Variants in CDYL observed in about 807,000 individuals in gnomAD.
CDYL encodes chromodomain Y-like protein.
In CDYL, 8 loss-of-function variants were observed where a neutral mutation model predicts 47.3. The observed-to-expected ratio is 0.17, with a 90% CI of 0.10 to 0.31. The LOEUF (loss-of-function observed/expected upper bound fraction) is 0.31. CDYL is among the 10% of genes least tolerant of loss of function. The pLI, the probability that CDYL is intolerant of heterozygous loss-of-function variation, is 1.00. For missense variants in CDYL, 471 were observed against 701.4 expected (o/e 0.67, Z 3.71); for synonymous variants, 266 against 265.0 (o/e 1.00, Z -0.04).
At chr6:4,835,027 C>T (rs1413617261) in intron 1 of CDYL, among the ~76,000 whole-genome samples, 1 of 152,136 alleles carries the variant, frequency 6.6e-6, no homozygotes, top group African/African-American at 2.4e-5. Flanking sequence ...GAATTTCCTC[C>T]TGTAGCTCGT....
intron 2 of CDYL, among the ~76,000 whole-genome samples, chr6:4,910,646 C>G (rs953232921): frequency 4.6e-5 from 7 of 152,078 alleles, no homozygotes; most frequent in Non-Finnish European, 8.8e-5. Flanking sequence ...GCTCAAGGAG[C>G]GAGCATGTCT....
intron 1 of CDYL, among the ~76,000 whole-genome samples, chr6:4,819,162 C>CTCTCTCTGTGTGTG (rs1016051589): frequency 3.6e-5 from 4 of 111,942 alleles, no homozygotes; most frequent in African/African-American, 1.9e-4. Context: ...CTCTCTCTCT[C>CTCTCTCTGTGTGTG]TGTGTGTGTG....
intron 1 of CDYL, among the ~76,000 whole-genome samples, chr6:4,813,600 G>A (rs1447112203): frequency 6.6e-6 from 1 of 152,202 alleles, no homozygotes; most frequent in East Asian, 1.9e-4. Context: ...TCTGCTGTGA[G>A]ATTGACGGAT....
At chr6:4,947,953 T>G (rs1758581043) in intron 5 of CDYL, among the ~76,000 whole-genome samples, 1 of 152,046 alleles carries the variant, frequency 6.6e-6, no homozygotes, top group African/African-American at 2.4e-5. Flanking sequence ...TTTGCTGGGG[T>G]GGGGACGTGG....
chr6:4,851,270 A>G (rs1457148287), intron 1 of CDYL, among the ~76,000 whole-genome samples: 4 of 152,236 alleles, frequency 2.6e-5, no homozygotes, highest in African/African-American at 9.6e-5. Flanking sequence ...TGAGAATCAA[A>G]TGAGTTAATT....
chr6:4,767,832 G>A (rs1758279040), intron 3 of CDYL, among the ~76,000 whole-genome samples: 1 of 152,140 alleles, frequency 6.6e-6, no homozygotes, highest in Non-Finnish European at 1.5e-5. Flanking sequence ...CAGCGAAGCA[G>A]GTCCACCAAA....
chr6:4,932,263 A>G (rs1758053501), intron 2 of CDYL, among the ~76,000 whole-genome samples: 1 of 152,184 alleles, frequency 6.6e-6, no homozygotes, highest in Non-Finnish European at 1.5e-5. Context: ...GAACCCTAAG[A>G]TCAGGGTGCC....
At chr6:4,807,591 C>CTTTTTTTTTTTTTTTTTTTTTTTTTTTT (rs70974139) in intron 1 of CDYL, among the ~76,000 whole-genome samples, 1 of 42,898 alleles carries the variant, frequency 2.3e-5, no homozygotes, top group African/African-American at 8.9e-5. Flanking sequence ...TCATTCATGT[C>CTTTTTTTTTTTTTTTTTTTTTTTTTTTT]TTTTTTTTTT....
exon 1 of CDYL, chr6:4,706,239 G>A (rs1757043294): frequency 6.6e-6 from 1 of 152,196 alleles, no homozygotes; most frequent in Non-Finnish European, 1.5e-5. Context: ...ACTCATCTCG[G>A]GGAACTAAGC....
intron 1 of CDYL, among the ~76,000 whole-genome samples, chr6:4,841,879 A>G (rs1008519856): frequency 1.3e-5 from 2 of 150,992 alleles, no homozygotes; most frequent in African/African-American, 4.9e-5. Flanking sequence ...CAGTTGTTGG[A>G]TAAAATGTTC....
intron 1 of CDYL, among the ~76,000 whole-genome samples, chr6:4,788,480 C>CAAAAAAAAAAAAAAAAAAAAAA (rs1220969716): frequency 8.2e-5 from 5 of 61,062 alleles, no homozygotes; most frequent in Admixed American, 2.3e-4. Context: ...GAGACTCTGT[C>CAAAAAAAAAAAAAAAAAAAAAA]AAAAAAAAAA....
At chr6:4,710,174 A>T (rs1007110805) in intron 1 of CDYL, among the ~76,000 whole-genome samples, 18 of 152,170 alleles carry the variant, frequency 1.2e-4, no homozygotes, top group African/African-American at 4.3e-4. Context: ...GTGAGCTGAG[A>T]TCATGCCATT....
At chr6:4,725,468 C>G (rs1265888065) in intron 2 of CDYL, among the ~76,000 whole-genome samples, 1 of 152,216 alleles carries the variant, frequency 6.6e-6, no homozygotes, top group Non-Finnish European at 1.5e-5. Context: ...GTCCCGAGCC[C>G]TGCCCCGCTG....
intron 3 of CDYL, among the ~76,000 whole-genome samples, chr6:4,740,467 A>G (rs1187274422): frequency 6.6e-6 from 1 of 152,156 alleles, no homozygotes; most frequent in Admixed American, 6.5e-5. Context: ...AGCCCCCACC[A>G]CAAAGAACCA....
At chr6:4,713,039 G>T (rs1172451017) in intron 1 of CDYL, among the ~76,000 whole-genome samples, 2 of 152,206 alleles carry the variant, frequency 1.3e-5, no homozygotes, top group African/African-American at 4.8e-5. Context: ...CAGGAACTTG[G>T]GAGGCTGAGG....
chr6:4,737,364 T>TAAAC (rs10651849), intron 3 of CDYL, among the ~76,000 whole-genome samples: 151,709 of 152,110 alleles, frequency 1, 75,659 homozygotes, highest in Middle Eastern at 1. Flanking sequence ...CAACAAAAAT[T>TAAAC]AAAAGGGGCC....
chr6:4,926,494 C>CAT (rs10651886), intron 2 of CDYL, among the ~76,000 whole-genome samples: 57,256 of 151,938 alleles, frequency 0.38, 12,054 homozygotes, highest in African/African-American at 0.58. Flanking sequence ...GCCTTGAAAA[C>CAT]ATTAAAACTT....
At chr6:4,822,874 A>G (rs758320118) in intron 1 of CDYL, among the ~76,000 whole-genome samples, 3 of 152,162 alleles carry the variant, frequency 2.0e-5, no homozygotes, top group Non-Finnish European at 4.4e-5. Flanking sequence ...TCACAAGGGA[A>G]TTTCTCTCTT....
chr6:4,898,843 A>G (rs1375740715), intron 2 of CDYL, among the ~76,000 whole-genome samples: 5 of 152,212 alleles, frequency 3.3e-5, no homozygotes, highest in African/African-American at 9.7e-5. Flanking sequence ...TTATTTTCCA[A>G]TGATTGATGT....
Sources: allele counts gnomAD v4.1 joint callset (sites outside exome capture counted in the v4.1 genomes callset), GRCh38; gene constraint gnomAD v4.1.1; transcripts MANE v1.5; gene names NCBI Gene and HGNC (gene_info 2026-07-23, HGNC 2026-07-21).